CFAP44: variants seen among roughly 807,000 people sequenced by gnomAD.
The protein encoded by CFAP44 is cilia- and flagella-associated protein 44.
A neutral mutation model predicts 216.2 loss-of-function variants in CFAP44; 134 were observed. The observed-to-expected ratio is 0.62, with a 90% CI of 0.54 to 0.72. The LOEUF (loss-of-function observed/expected upper bound fraction) is 0.72. Among genes scored for constraint, CFAP44 ranks in the 30% least tolerant of loss-of-function variants. The pLI is 0.00. For missense variants in CFAP44, 2,035 were observed against 2,182.1 expected, an observed-to-expected ratio of 0.93 and a Z score of 1.34; for synonymous variants, 700 against 727.6, an observed-to-expected ratio of 0.96 and a Z score of 0.61.
At chr3:113,324,482 T>C (rs1950172806) in intron 28 of CFAP44, among the ~76,000 whole-genome samples, 2 of 152,160 alleles carry the variant, frequency 1.3e-5, no homozygotes, top group South Asian at 4.1e-4. Flanking sequence ...GCCAATGTAA[T>C]CTACCATATT....
rs1227868821 is a variant in CFAP44 at position 113,328,687 on chromosome 3, T to C, written c.4117-868A>G. Reference sequence around the variant, plus strand: ...GAGCAGTGAAACTACCAGAGAAATTTAGAGAGCTTAAAAAAAAAAAAAAAA... The same window carrying C: ...GAGCAGTGAAACTACCAGAGAAATTCAGAGAGCTTAAAAAAAAAAAAAAAA... On this transcript the variant is annotated intron_variant, in intron 26 of 34. Coordinates refer to ENST00000393845, the MANE Select transcript of CFAP44 (RefSeq NM_001164496.2). Among the ~76,000 whole-genome samples, 5 of 63,610 alleles carry C rather than the reference T, an allele frequency of 7.9e-5. No individual in the cohort carries two copies. The East Asian group carries it at 1.3e-3, about 17-fold the overall frequency. The allele number at this position is 63,610 out of a possible 152,430, so 41.7% of individuals were successfully genotyped here.
chr3:113,433,859 C>T, intron 1 of CFAP44, 190 bp from the exon 2 acceptor site: 1 of 428,896 alleles, frequency 2.3e-6, no homozygotes. Context: ...TGCAAGACAG[C>T]TAATTATAAT....
chr3:113,347,384 C>A (rs1559918849), intron 22 of CFAP44, among the ~76,000 whole-genome samples: 1 of 152,186 alleles, frequency 6.6e-6, no homozygotes, highest in Non-Finnish European at 1.5e-5. Flanking sequence ...GCAAGGCTCA[C>A]CTGTCTATCC....
At chr3:113,358,545 T>G (rs1437334598) in intron 22 of CFAP44, among the ~76,000 whole-genome samples, 200 bp downstream of exon 22, 1 of 152,178 alleles carries the variant, frequency 6.6e-6, no homozygotes, top group East Asian at 1.9e-4. Context: ...TAAACAAATT[T>G]CCCACACTTA....
intron 15 of CFAP44, among the ~76,000 whole-genome samples, chr3:113,391,380 A>G (rs1933835048): frequency 1.3e-5 from 2 of 152,124 alleles, no homozygotes; most frequent in South Asian, 4.1e-4. Context: ...CCTCAAAACT[A>G]TGAAACAATT....
At chr3:113,300,316 G>A (rs1275822545) in intron 32 of CFAP44, among the ~76,000 whole-genome samples, 1 of 152,050 alleles carries the variant, frequency 6.6e-6, no homozygotes, top group Non-Finnish European at 1.5e-5. Flanking sequence ...GGATACTATG[G>A]TGAATAATAA....
At chr3:113,398,613 A>C (rs1934056314) in intron 13 of CFAP44, among the ~76,000 whole-genome samples, 1 of 152,144 alleles carries the variant, frequency 6.6e-6, no homozygotes, top group South Asian at 2.1e-4. Flanking sequence ...GCCAATCTAA[A>C]TGCTCTGTCA....
intron 33 of CFAP44, among the ~76,000 whole-genome samples, chr3:113,295,719 C>T (rs1433576787): frequency 6.6e-6 from 1 of 152,186 alleles, no homozygotes; most frequent in African/African-American, 2.4e-5. Flanking sequence ...GCTCAGGGAA[C>T]AATATGTAGG....
intron 2 of CFAP44, among the ~76,000 whole-genome samples, chr3:113,429,697 T>G (rs192541937): frequency 1.3e-5 from 2 of 152,236 alleles, no homozygotes; most frequent in Non-Finnish European, 2.9e-5. Context: ...TTATTTTCTG[T>G]TTTTCTCCTC....
intron 18 of CFAP44, among the ~76,000 whole-genome samples, chr3:113,370,238 G>A (rs777951197): frequency 6.6e-6 from 1 of 152,148 alleles, no homozygotes; most frequent in Non-Finnish European, 1.5e-5. Flanking sequence ...TATGAGGGCA[G>A]CATCATCCTG....
chr3:113,433,675 A>G lies in CFAP44; in HGVS notation c.-5-6T>C. 1 of 1,602,386 alleles carries G rather than the reference A, an allele frequency of 6.2e-7. No homozygotes were observed. ...ATCTGGTTCCTTCATTTCCTCTGTA[A>G]GTACAAAATGGGGATGAGATATGGA... On this transcript the variant is annotated splice_region_variant and splice_polypyrimidine_tract_variant and intron_variant, in intron 1 of 34. Coordinates refer to ENST00000393845, the MANE Select transcript of CFAP44 (RefSeq NM_001164496.2).
chr3:113,347,065 C>G (rs1950391971), intron 22 of CFAP44, among the ~76,000 whole-genome samples: 1 of 152,146 alleles, frequency 6.6e-6, no homozygotes, highest in Non-Finnish European at 1.5e-5. Context: ...ACCATCAGAC[C>G]CCTTTAGCTT....
In CFAP44 at chr3:113,330,555, C is replaced by A; in HGVS notation, c.3729G>T (p.Ser1243=). 2.0e-6 allele frequency: 3 copies of A among 1,537,106 alleles called. No homozygotes were observed. Among genetic ancestry groups the A allele is most frequent in the Non-Finnish European group, 2.6e-6 (3 of 1,146,860 alleles). Reference sequence around the variant, plus strand: ...GTATGTGCTTGGATATGTGAAGAGTCGACTGAATGTTCTTCAGTTCTTGTA... The same window carrying A: ...GTATGTGCTTGGATATGTGAAGAGTAGACTGAATGTTCTTCAGTTCTTGTA... ...CLVQELKNIQ[S]TLHISKHIPI... Residue 1243 remains serine, a synonymous_variant, in exon 26 of 35, where the codon TCG becomes TCT. Coordinates refer to ENST00000393845, the MANE Select transcript of CFAP44 (RefSeq NM_001164496.2).
At chr3:113,358,336 C>T (rs1036219074) in intron 22 of CFAP44, among the ~76,000 whole-genome samples, 1 of 151,574 alleles carries the variant, frequency 6.6e-6, no homozygotes, top group African/African-American at 2.4e-5. Flanking sequence ...CAAAAAAAAA[C>T]ATTCCCCTGG....
chr3:113,395,859 C>A lies in CFAP44; in HGVS notation c.1781G>T (p.Ser594Ile), dbSNP rs1337102448. The change falls in exon 15 of 35, where the codon AGT becomes ATT. Residue 594 changes from serine to isoleucine, a missense_variant and splice_region_variant. Coordinates refer to ENST00000393845, the MANE Select transcript of CFAP44 (RefSeq NM_001164496.2). ...ERDGEILATG[S>I]KDQTVFFFEV... ...AAAGAAGAAAACAGTTTGATCTTTA[C>A]TCTAAGGAAAAAGAGACACACCGAC... is the stretch of plus-strand genomic sequence containing the variant. The A allele has an allele frequency of 6.2e-7, 1 of 1,609,748 alleles. No individual in the cohort carries two copies. Among genetic ancestry groups the A allele is most frequent in the African/African-American group, 1.3e-5 (1 of 74,652 alleles).
intron 22 of CFAP44, among the ~76,000 whole-genome samples, chr3:113,356,390 T>C (rs1331178540): frequency 6.6e-6 from 1 of 152,142 alleles, no homozygotes; most frequent in Non-Finnish European, 1.5e-5. Flanking sequence ...GTTGATTCTA[T>C]GCAAAGAACC....
chr3:113,429,878 C>T (rs376374174), intron 2 of CFAP44, among the ~76,000 whole-genome samples: 30 of 152,124 alleles, frequency 2.0e-4, no homozygotes, highest in Admixed American at 1.3e-3. Context: ...TAAGAGTTAC[C>T]ATTTATTATA....
At chr3:113,362,492 C>T (rs187859440) in intron 21 of CFAP44, among the ~76,000 whole-genome samples, 1 of 152,170 alleles carries the variant, frequency 6.6e-6, no homozygotes, top group Non-Finnish European at 1.5e-5. Flanking sequence ...GTTACCCAAA[C>T]TGACAATCTT....
rs1197931283 is a variant in CFAP44, at chr3:113,426,284, A to G, written c.254-7T>C. 2 of 1,611,586 alleles carry G rather than the reference A, an allele frequency of 1.2e-6. No homozygotes were observed. Among genetic ancestry groups the G allele is most frequent in the Non-Finnish European group, 1.7e-6 (2 of 1,179,232 alleles). Reference sequence around the variant, plus strand: ...GCAGGGGTTTGCTGAGGTACTAAAAAAATAAAATAATTTAAGAAGAGTGAT... The same window carrying G: ...GCAGGGGTTTGCTGAGGTACTAAAAGAATAAAATAATTTAAGAAGAGTGAT... On this transcript the variant is annotated splice_polypyrimidine_tract_variant and splice_region_variant and intron_variant, in intron 3 of 34. Transcript: ENST00000393845.
Sources: gnomAD v4.1 joint callset for allele counts (sites outside exome capture counted in the v4.1 genomes callset) on GRCh38, gnomAD v4.1.1 for gene constraint, MANE v1.5 for transcripts, NCBI Gene and HGNC (gene_info 2026-07-23, HGNC 2026-07-21) for gene names.